Variants in KCNH1 observed in about 807,000 individuals in gnomAD.
KCNH1 encodes the protein potassium voltage-gated channel subfamily H member 1.
Under a neutral mutation model 69.2 loss-of-function variants are expected in KCNH1, and 27 were observed. The ratio of observed to expected loss-of-function variants is 0.39; its 90% confidence interval spans 0.29 to 0.54. The LOEUF (loss-of-function observed/expected upper bound fraction) is 0.54. KCNH1 is among the 20% of genes least tolerant of loss of function. The pLI is 0.68. For synonymous variants in KCNH1, 456 were observed against 487.7 expected (o/e 0.93, Z 0.86); for missense variants, 798 against 1,261.6 (o/e 0.63, Z 5.57).
intron 6 of KCNH1, among the ~76,000 whole-genome samples, chr1:210,942,054 A>G (rs11580400): frequency 0.041 from 6,280 of 152,284 alleles, 218 homozygotes; most frequent in Non-Finnish European, 0.062. Flanking sequence ...ATAAATCTCT[A>G]TAGAGATTTG....
At chr1:211,008,386 G>C (rs1689324935) in intron 6 of KCNH1, among the ~76,000 whole-genome samples, 1 of 152,180 alleles carries the variant, frequency 6.6e-6, no homozygotes, top group South Asian at 2.1e-4. Context: ...AATTTCAACA[G>C]AATAATTATG....
chr1:210,849,910 G>T (rs539668989), intron 7 of KCNH1, among the ~76,000 whole-genome samples: 1 of 149,268 alleles, frequency 6.7e-6, no homozygotes, highest in African/African-American at 2.5e-5. Flanking sequence ...GTCTTAGAAG[G>T]AACAATAAAT....
At chr1:210,921,119 G>A (rs1159473194) in intron 6 of KCNH1, among the ~76,000 whole-genome samples, 1 of 152,176 alleles carries the variant, frequency 6.6e-6, no homozygotes, top group Non-Finnish European at 1.5e-5. Context: ...GGTGGATTGA[G>A]GATCTCTAAG....
At chr1:210,967,403 A>C (rs1379353944) in intron 6 of KCNH1, among the ~76,000 whole-genome samples, 1 of 152,138 alleles carries the variant, frequency 6.6e-6, no homozygotes, top group Non-Finnish European at 1.5e-5. Flanking sequence ...GTTTTCCTAA[A>C]AGTTTGAAAG....
intron 5 of KCNH1, among the ~76,000 whole-genome samples, chr1:211,071,233 A>G (rs1176252187): frequency 6.6e-6 from 1 of 152,198 alleles, no homozygotes. Context: ...ACCCCAATCT[A>G]TGATACATAT....
intron 1 of KCNH1, among the ~76,000 whole-genome samples, chr1:211,128,171 C>G (rs1691814928): frequency 6.6e-6 from 1 of 151,900 alleles, no homozygotes; most frequent in South Asian, 2.1e-4. Flanking sequence ...CACCTGTAAT[C>G]CCAGCTACTC....
intron 4 of KCNH1, 69 bp downstream of exon 4, chr1:211,090,493 C>T (rs376845931): frequency 7.1e-7 from 1 of 1,400,898 alleles, no homozygotes; most frequent in African/African-American, 1.5e-5. Flanking sequence ...ACCTTAAATG[C>T]TCTGTAACAA....
chr1:211,036,941 T>C (rs934073939), intron 5 of KCNH1, among the ~76,000 whole-genome samples: 3 of 152,130 alleles, frequency 2.0e-5, no homozygotes, highest in Admixed American at 1.3e-4. Context: ...CAACATCCAA[T>C]GCCAGGCTTT....
chr1:211,070,430 A>ACACACACACAC (rs1553376623), intron 5 of KCNH1, among the ~76,000 whole-genome samples: 1 of 137,126 alleles, frequency 7.3e-6, no homozygotes, highest in African/African-American at 2.8e-5. Flanking sequence ...AAAAAAAAAA[A>ACACACACACAC]ACACACACAC....
chr1:211,029,359 G>C (rs1001133131), intron 5 of KCNH1, among the ~76,000 whole-genome samples: 43 of 31,362 alleles, frequency 1.4e-3, no homozygotes, highest in African/African-American at 5.8e-3. Context: ...AAAAAAAAAA[G>C]GTTGGGGTAC....
chr1:210,890,779 A>G (rs1180726473), intron 7 of KCNH1, among the ~76,000 whole-genome samples: 1 of 152,220 alleles, frequency 6.6e-6, no homozygotes, highest in African/African-American at 2.4e-5. Flanking sequence ...GGCAACAAAC[A>G]TATGAAAGAA....
chr1:211,054,554 C>T (rs1690268405), intron 5 of KCNH1, among the ~76,000 whole-genome samples: 1 of 152,010 alleles, frequency 6.6e-6, no homozygotes, highest in East Asian at 1.9e-4. Context: ...TAGATATTAG[C>T]TATGGAATAG....
chr1:210,819,602 A>AG (rs1684885193), intron 7 of KCNH1, among the ~76,000 whole-genome samples: 1 of 150,666 alleles, frequency 6.6e-6, no homozygotes, highest in Admixed American at 6.6e-5. Context: ...AAAAAAGTTT[A>AG]GGAAAAAAAA....
chr1:210,720,445 C>T (rs903157339), intron 10 of KCNH1, among the ~76,000 whole-genome samples: 1 of 152,134 alleles, frequency 6.6e-6, no homozygotes. Context: ...GTAAGAATAA[C>T]CATATGCGAT....
chr1:211,066,449 A>G (rs571488659), intron 5 of KCNH1, among the ~76,000 whole-genome samples: 5 of 152,340 alleles, frequency 3.3e-5, no homozygotes, highest in African/African-American at 4.8e-5. Flanking sequence ...CTTTATATAC[A>G]TAGCCTAAAG....
At chr1:210,738,284 C>T (rs1273890668) in intron 10 of KCNH1, among the ~76,000 whole-genome samples, 9 of 152,208 alleles carry the variant, frequency 5.9e-5, no homozygotes, top group East Asian at 3.9e-4. Context: ...GGCCACTCTA[C>T]GTCAAGTGAT....
chr1:210,979,223 G>T (rs1688668984), intron 6 of KCNH1, among the ~76,000 whole-genome samples: 1 of 152,182 alleles, frequency 6.6e-6, no homozygotes, highest in African/African-American at 2.4e-5. Context: ...GTAGTAGGAG[G>T]AGGGAAAATG....
intron 7 of KCNH1, among the ~76,000 whole-genome samples, chr1:210,887,971 T>C (rs1007983964): frequency 2.0e-5 from 3 of 152,226 alleles, no homozygotes; most frequent in Admixed American, 6.5e-5. Context: ...TGGGAGACTT[T>C]AACACCCCAT....
chr1:210,771,621 A>G (rs1683755746), intron 10 of KCNH1, among the ~76,000 whole-genome samples: 1 of 147,072 alleles, frequency 6.8e-6, no homozygotes, highest in Admixed American at 6.8e-5. Context: ...CGTGGACAGA[A>G]CAAAATAACA....
Sources: allele counts gnomAD v4.1 joint callset (sites outside exome capture counted in the v4.1 genomes callset), GRCh38; gene constraint gnomAD v4.1.1; transcripts MANE v1.5; gene names NCBI Gene and HGNC (gene_info 2026-07-23, HGNC 2026-07-21).